The following MGAT4C variants were observed in gnomAD, a reference collection of about 807,000 sequenced individuals.
MGAT4C encodes the protein alpha-1,3-mannosyl-glycoprotein 4-beta-N-acetylglucosaminyltransferase C.
Under a neutral mutation model 40.1 loss-of-function variants are expected in MGAT4C, and 19 were observed. The ratio of observed to expected loss-of-function variants is 0.47; its 90% CI spans 0.33 to 0.70. The LOEUF (loss-of-function observed/expected upper bound fraction) is 0.70, where lower values mean the gene tolerates loss of function less well. Ranked by LOEUF, MGAT4C falls within the 30% of genes least tolerant of loss-of-function variation. MGAT4C has a pLI of 0.02. For missense variants in MGAT4C, 491 were observed against 563.2 expected (o/e 0.87, Z 1.30); for synonymous variants, 181 against 187.1 (o/e 0.97, Z 0.27).
At chr12:86,157,870 G>A (rs1310058182) in intron 1 of MGAT4C, among the ~76,000 whole-genome samples, 2 of 152,046 alleles carry the variant, frequency 1.3e-5, no homozygotes, top group Admixed American at 6.6e-5. Context: ...TCCGACATGT[G>A]GGGATTATAA....
intron 1 of MGAT4C, among the ~76,000 whole-genome samples, chr12:86,768,267 A>T (rs1460185944): frequency 6.6e-6 from 1 of 152,200 alleles, no homozygotes; most frequent in Admixed American, 6.5e-5. Flanking sequence ...CCCATTCACA[A>T]TTGCTTCACA....
intron 3 of MGAT4C, among the ~76,000 whole-genome samples, chr12:86,395,802 G>T (rs1364266411): frequency 6.6e-6 from 1 of 152,050 alleles, no homozygotes; most frequent in Non-Finnish European, 1.5e-5. Flanking sequence ...GTGCTTGTTG[G>T]CAGTGATACA....
In MGAT4C at chr12:85,989,406, A is replaced by G. The variant is rs1885620430; in HGVS notation, c.141T>C (p.Tyr47=). ...LFMNLYIEDS[Y]VLEGDKQLIR... ...ATCAACCTCCCAAACTTACCAGAAC[A>G]TAGCTATCTTCAATGTACAAGTTCA... Residue 47 remains tyrosine (Y), a synonymous_variant, in exon 3 of 5, where the codon TAT becomes TAC. Transcript: ENST00000611864. The G allele has an allele frequency of 3.1e-6, 5 of 1,596,760 alleles. No individual in the cohort carries two copies. The East Asian group carries it at 1.1e-4, about 36-fold the overall frequency.
At chr12:86,074,632 T>C (rs1449494509) in intron 1 of MGAT4C, among the ~76,000 whole-genome samples, 1 of 152,082 alleles carries the variant, frequency 6.6e-6, no homozygotes, top group African/African-American at 2.4e-5. Context: ...TTTCATGCTG[T>C]TGATAAAGAC....
At chr12:86,138,506 G>GTATATTTCCATAGATATATCATA (rs1882333595) in intron 1 of MGAT4C, among the ~76,000 whole-genome samples, 1 of 137,912 alleles carries the variant, frequency 7.3e-6, no homozygotes, top group Non-Finnish European at 1.6e-5. Context: ...TATATATCAT[G>GTATATTTCCATAGATATATCATA]TATATATTTC....
At chr12:86,638,531 A>G (rs1368364132) in intron 2 of MGAT4C, among the ~76,000 whole-genome samples, 1 of 151,804 alleles carries the variant, frequency 6.6e-6, no homozygotes, top group Non-Finnish European at 1.5e-5. Flanking sequence ...AAGAAAAGAA[A>G]CCAGAGCTTG....
At chr12:86,673,719 C>A (rs1048085803) in intron 2 of MGAT4C, among the ~76,000 whole-genome samples, 2 of 151,972 alleles carry the variant, frequency 1.3e-5, no homozygotes, top group African/African-American at 4.8e-5. Context: ...TCATTTCAAA[C>A]ATAAAATACA....
At chr12:86,730,248 A>G (rs927576980) in intron 1 of MGAT4C, among the ~76,000 whole-genome samples, 4 of 152,094 alleles carry the variant, frequency 2.6e-5, no homozygotes, top group Admixed American at 2.6e-4. Context: ...TACTTGATAG[A>G]TTAAAATTAG....
chr12:86,826,417 G>A (rs1202224298), intron 1 of MGAT4C, among the ~76,000 whole-genome samples: 1 of 151,328 alleles, frequency 6.6e-6, no homozygotes, highest in Non-Finnish European at 1.5e-5. Flanking sequence ...TAGTGTAGGT[G>A]TTGACCCCAT....
chr12:86,451,835 T>C (rs1163500639), intron 2 of MGAT4C, among the ~76,000 whole-genome samples: 2 of 152,166 alleles, frequency 1.3e-5, no homozygotes, highest in African/African-American at 4.8e-5. Flanking sequence ...ATTTCAGTGC[T>C]AGGGTTTTCA....
At chr12:86,337,633 G>A (rs369180483) in intron 3 of MGAT4C, among the ~76,000 whole-genome samples, 1 of 151,326 alleles carries the variant, frequency 6.6e-6, no homozygotes, top group African/African-American at 2.4e-5. Flanking sequence ...TATAATTCAG[G>A]CAAGATACAA....
In MGAT4C at chr12:86,073,680, G is replaced by A. The variant is rs182244020; in HGVS notation, c.-56-23957C>T. On this transcript the variant is annotated intron_variant, in intron 1 of 4. Coordinates refer to ENST00000611864, the MANE Select transcript of MGAT4C (RefSeq NM_001351288.2). ...TTTGGACTTGCATGGGCCCTGTAAA[G>A]TTCTTTGTTTTGGCCAATTTCACCC... 3.1e-3 allele frequency among the ~76,000 whole-genome samples: 476 copies of A among 151,986 alleles called. 4 individuals are homozygous for A. The highest frequency in any genetic ancestry group is 5.9e-3 in the Admixed American group (90 of 15,228).
At chr12:86,572,644 T>C (rs1960410751) in intron 2 of MGAT4C, among the ~76,000 whole-genome samples, 1 of 152,110 alleles carries the variant, frequency 6.6e-6, no homozygotes, top group African/African-American at 2.4e-5. Context: ...TGTATTTTTA[T>C]GCACAGTCCT....
chr12:86,546,286 A>C (rs1035356832), intron 2 of MGAT4C, among the ~76,000 whole-genome samples: 1 of 151,728 alleles, frequency 6.6e-6, no homozygotes, highest in African/African-American at 2.4e-5. Flanking sequence ...ATAAAGTTCT[A>C]TCTCTATTTA....
chr12:86,429,822 C>T (rs1440683093), intron 3 of MGAT4C, among the ~76,000 whole-genome samples: 1 of 152,108 alleles, frequency 6.6e-6, no homozygotes, highest in African/African-American at 2.4e-5. Context: ...GCATCTATCC[C>T]AGACAAGAAA....
chr12:86,382,656 G>A (rs1177811637), intron 3 of MGAT4C, among the ~76,000 whole-genome samples: 4 of 152,200 alleles, frequency 2.6e-5, no homozygotes, highest in African/African-American at 9.6e-5. Context: ...ATGGTTTCAT[G>A]GGCCGGGCCC....
intron 1 of MGAT4C, among the ~76,000 whole-genome samples, chr12:86,240,297 C>T (rs1020585837): frequency 5.3e-5 from 8 of 151,692 alleles, no homozygotes; most frequent in Admixed American, 3.3e-4. Context: ...TATATATGCC[C>T]TGATCCAGAG....
chr12:86,174,552 A>G (rs2135843269), intron 1 of MGAT4C, among the ~76,000 whole-genome samples: 1 of 152,154 alleles, frequency 6.6e-6, no homozygotes, highest in African/African-American at 2.4e-5. Flanking sequence ...CCCTCTTCCT[A>G]TTGTTGAAAT....
At chr12:86,241,044 T>A (rs926636621) in intron 1 of MGAT4C, among the ~76,000 whole-genome samples, 3 of 152,188 alleles carry the variant, frequency 2.0e-5, no homozygotes, top group Non-Finnish European at 4.4e-5. Flanking sequence ...ACGTTCATGA[T>A]TAGTTTTAAA....
Sources: allele counts gnomAD v4.1 joint callset (sites outside exome capture counted in the v4.1 genomes callset), GRCh38; gene constraint gnomAD v4.1.1; transcripts MANE v1.5; gene names NCBI Gene and HGNC (gene_info 2026-07-23, HGNC 2026-07-21).